Variants in PKIB observed in about 807,000 individuals in gnomAD.
PKIB encodes PKI-beta.
PKIB carries 2 observed loss-of-function variants against 4.5 expected under a neutral mutation model. That is an observed-to-expected ratio of 0.44 (90% confidence interval 0.18 to 1.39). PKIB has a LOEUF of 1.39. Among genes scored for constraint, PKIB ranks in the 40% most tolerant of loss-of-function variants. The pLI is 0.27. For synonymous variants in PKIB, 38 were observed against 36.0 expected (o/e 1.06, Z -0.20); for missense variants, 94 against 92.6 (o/e 1.02, Z -0.06).
intron 3 of PKIB, among the ~76,000 whole-genome samples, chr6:122,712,964 C>T (rs564283813): frequency 1.3e-5 from 2 of 152,196 alleles, no homozygotes; most frequent in East Asian, 3.9e-4. Context: ...TGGGTTCTGA[C>T]TGGTGATTTT....
At chr6:122,699,775 G>A (rs1778722122) in intron 3 of PKIB, among the ~76,000 whole-genome samples, 1 of 151,996 alleles carries the variant, frequency 6.6e-6, no homozygotes, top group African/African-American at 2.4e-5. Context: ...TTTTTCATTG[G>A]GTCAGAGCGT....
chr6:122,563,023 G>A (rs772647026), intron 2 of PKIB, among the ~76,000 whole-genome samples: 2 of 152,014 alleles, frequency 1.3e-5, no homozygotes, highest in African/African-American at 2.4e-5. Context: ...GATTTTTCAC[G>A]GGTGTTGAAG....
At chr6:122,510,175 G>T (rs188183976) in intron 2 of PKIB, among the ~76,000 whole-genome samples, 4 of 152,164 alleles carry the variant, frequency 2.6e-5, no homozygotes, top group South Asian at 2.1e-4. Flanking sequence ...AAAAGGAGTG[G>T]TTTTTTGAAT....
intron 2 of PKIB, among the ~76,000 whole-genome samples, chr6:122,582,994 A>G (rs1773745888): frequency 6.6e-6 from 1 of 152,066 alleles, no homozygotes; most frequent in African/African-American, 2.4e-5. Flanking sequence ...ATACTTAGTC[A>G]TATGAAGAAA....
At chr6:122,547,896 CGA>C (rs1772552479) in intron 2 of PKIB, among the ~76,000 whole-genome samples, 1 of 51,834 alleles carries the variant, frequency 1.9e-5, no homozygotes, top group Non-Finnish European at 4.5e-5. Flanking sequence ...CCAAACTCAC[CGA>C]AGTCACTTTG....
intron 3 of PKIB, among the ~76,000 whole-genome samples, chr6:122,698,350 A>G (rs1321458658): frequency 6.6e-6 from 1 of 152,126 alleles, no homozygotes; most frequent in Non-Finnish European, 1.5e-5. Flanking sequence ...AGAAGGGCCA[A>G]GCTTGACTCC....
At chr6:122,512,456 C>T (rs547617454) in intron 2 of PKIB, among the ~76,000 whole-genome samples, 58 of 152,154 alleles carry the variant, frequency 3.8e-4, no homozygotes, top group South Asian at 2.3e-3. Flanking sequence ...TTTTGTCTCT[C>T]GCAATACTTG....
chr6:122,536,151 G>A (rs1436974579), intron 2 of PKIB, among the ~76,000 whole-genome samples: 5 of 152,078 alleles, frequency 3.3e-5, no homozygotes, highest in Non-Finnish European at 1.5e-5. Context: ...TGGTAGCCAG[G>A]CTGGTCCCAA....
At chr6:122,538,130 C>G (rs1777465349) in intron 2 of PKIB, among the ~76,000 whole-genome samples, 1 of 151,834 alleles carries the variant, frequency 6.6e-6, no homozygotes, top group Admixed American at 6.6e-5. Flanking sequence ...CTGTAGGTTA[C>G]CTGTTCACTC....
At chr6:122,642,221 T>C (rs185038177) in intron 2 of PKIB, among the ~76,000 whole-genome samples, 7 of 152,362 alleles carry the variant, frequency 4.6e-5, no homozygotes, top group Admixed American at 2.6e-4. Context: ...ATTCTTTTCT[T>C]AAATAAACTC....
chr6:122,518,715 C>T (rs1386686152), intron 2 of PKIB, among the ~76,000 whole-genome samples: 1 of 151,806 alleles, frequency 6.6e-6, no homozygotes, highest in East Asian at 1.9e-4. Flanking sequence ...CCATCATGAC[C>T]CCTTTTAGAC....
chr6:122,523,861 C>G (rs560291716), intron 2 of PKIB, among the ~76,000 whole-genome samples: 1 of 152,114 alleles, frequency 6.6e-6, no homozygotes, highest in South Asian at 2.1e-4. Flanking sequence ...GCTTCTCCTT[C>G]GCCTTCTGCC....
At chr6:122,713,410 C>A (rs1779350270) in intron 3 of PKIB, among the ~76,000 whole-genome samples, 1 of 152,132 alleles carries the variant, frequency 6.6e-6, no homozygotes, top group African/African-American at 2.4e-5. Context: ...AAAAGACCCT[C>A]AAGTTAATCT....
In PKIB at chr6:122,546,918, A is replaced by G. The variant is rs9490477; in HGVS notation, c.-247-39003A>G. Among the ~76,000 whole-genome samples the G allele has an allele frequency of 9.2e-3, 1,393 of 152,204 alleles. 34 individuals carry two copies. Among genetic ancestry groups the G allele is most frequent in the African/African-American group, 0.032 (1,323 of 41,460 alleles). On this transcript the variant is annotated intron_variant, in intron 2 of 6. Transcript: ENST00000392491. ...GAGACTTTCACACATAACGTAATAT[A>G]TAGTAGAAAGTAGCAAATGCTATAG...
intron 2 of PKIB, among the ~76,000 whole-genome samples, chr6:122,498,066 CA>C (rs2114551947): frequency 6.6e-6 from 1 of 152,196 alleles, no homozygotes; most frequent in East Asian, 1.9e-4. Context: ...GAAATTCTCT[CA>C]AAACCACCCA....
chr6:122,476,108 A>G (rs1306584215), intron 1 of PKIB, among the ~76,000 whole-genome samples: 1 of 152,208 alleles, frequency 6.6e-6, no homozygotes, highest in African/African-American at 2.4e-5. Context: ...CATCAACACT[A>G]AATATAATGA....
intron 3 of PKIB, among the ~76,000 whole-genome samples, chr6:122,683,073 T>C (rs1370640340): frequency 6.6e-6 from 1 of 152,178 alleles, no homozygotes; most frequent in Admixed American, 6.5e-5. Flanking sequence ...GCTGCCTCCC[T>C]GGAATCGAGT....
chr6:122,592,550 C>G (rs1488847005), intron 3 of PKIB, among the ~76,000 whole-genome samples: 2 of 152,168 alleles, frequency 1.3e-5, no homozygotes, highest in Non-Finnish European at 2.9e-5. Context: ...AAAATCCCTG[C>G]TTTCTTGAAT....
chr6:122,672,849 C>T (rs971387139), intron 2 of PKIB, among the ~76,000 whole-genome samples: 3 of 151,618 alleles, frequency 2.0e-5, no homozygotes, highest in Non-Finnish European at 4.4e-5. Flanking sequence ...TTGTTAGGGG[C>T]GTGCTACTGT....
Sources: allele counts gnomAD v4.1 joint callset (sites outside exome capture counted in the v4.1 genomes callset), GRCh38; gene constraint gnomAD v4.1.1; transcripts MANE v1.5; gene names NCBI Gene and HGNC (gene_info 2026-07-23, HGNC 2026-07-21).